The following INTS7 variants were observed in gnomAD, a reference collection of about 807,000 sequenced individuals.
INTS7 encodes the protein chromosome 1 open reading frame 73.
INTS7 carries 46 observed loss-of-function variants against 109.2 expected under a neutral mutation model. The ratio of observed to expected loss-of-function variants is 0.42; its 90% CI spans 0.33 to 0.54. The LOEUF (loss-of-function observed/expected upper bound fraction) is 0.54, where lower values mean the gene tolerates loss of function less well. Among genes scored for constraint, INTS7 ranks in the 20% least tolerant of loss-of-function variants. The probability of loss-of-function intolerance (pLI) is 0.07; values close to 1 mark genes in which losing one functional copy is unlikely to be tolerated. For missense variants in INTS7, 929 were observed against 1,132.4 expected, an observed-to-expected ratio of 0.82 and a Z score of 2.58; for synonymous variants, 412 against 402.9, an observed-to-expected ratio of 1.02 and a Z score of -0.27.
chr1:211,985,885 T>C (rs1221968303), intron 8 of INTS7, among the ~76,000 whole-genome samples: 1 of 152,232 alleles, frequency 6.6e-6, no homozygotes, highest in Non-Finnish European at 1.5e-5. Flanking sequence ...GGATGTTAAC[T>C]GCAAGCTAAG....
At chr1:212,034,599 C>G (rs754010870) in intron 1 of INTS7, among the ~76,000 whole-genome samples, 4 of 152,206 alleles carry the variant, frequency 2.6e-5, no homozygotes, top group African/African-American at 4.8e-5. Flanking sequence ...CTCCCATATC[C>G]ACATCTAAGA....
chr1:211,981,283 A>T, intron 9 of INTS7, 93 bp from the exon 10 acceptor site: 1 of 728,322 alleles, frequency 1.4e-6, no homozygotes, highest in Non-Finnish European at 2.3e-6. Flanking sequence ...TAGAAAAAAC[A>T]TTAAGGAGTT....
At position 211,952,613 on chromosome 1, in the gene INTS7, C is replaced by G; in HGVS notation, c.2272G>C (p.Glu758Gln). Residue 758 changes from glutamate to glutamine, a missense_variant, in exon 17 of 20, where the codon GAG (glutamate) becomes CAG (glutamine). Coordinates refer to ENST00000366994, the MANE Select transcript of INTS7 (RefSeq NM_015434.4). ...MMSVYNHVLE[E>Q]VESLNRKYTP... is the part of the protein sequence containing the mutation. ...TATTTCCGATTGAGTGATTCTACCT[C>G]CTCCAAGACATGATTATATACAGAC... is the stretch of plus-strand genomic sequence containing the variant. 1.2e-6 allele frequency: 2 copies of G among 1,613,178 alleles called. No homozygotes were observed. Among genetic ancestry groups the G allele is most frequent in the Non-Finnish European group, 1.7e-6 (2 of 1,179,420 alleles).
intron 4 of INTS7, among the ~76,000 whole-genome samples, chr1:212,012,968 T>C (rs904953122): frequency 6.6e-6 from 1 of 152,232 alleles, no homozygotes; most frequent in Non-Finnish European, 1.5e-5. Flanking sequence ...TGACAGACTA[T>C]GAAGCACTGA....
At chr1:212,011,556 T>A (rs2102474955) in intron 4 of INTS7, 135 bp from the exon 5 acceptor site, 1 of 638,882 alleles carries the variant, frequency 1.6e-6, no homozygotes. Context: ...CAAGGTCAGG[T>A]GCTCGGGTTA....
chr1:211,944,862 T>A lies in INTS7; in HGVS notation c.2523A>T (p.Pro841=). 1 of 1,614,224 alleles carries A rather than the reference T, an allele frequency of 6.2e-7. No homozygotes were observed. Among genetic ancestry groups the A allele is most frequent in the Non-Finnish European group, 8.5e-7 (1 of 1,180,000 alleles). ...VEGVVQHGSK[P]GLFRKIQSVC... Reference sequence around the variant, plus strand: ...CAGACTGAATTTTGCGGAAGAGTCCTGGTTTAGATCCGTGCTGAACCACTC... The same window carrying A: ...CAGACTGAATTTTGCGGAAGAGTCCAGGTTTAGATCCGTGCTGAACCACTC... Residue 841 remains proline, a synonymous_variant, in exon 19 of 20, where the codon CCA becomes CCT. Transcript: ENST00000366994.
chr1:211,960,190 G>A (rs1663553498), intron 16 of INTS7, among the ~76,000 whole-genome samples: 1 of 152,046 alleles, frequency 6.6e-6, no homozygotes, highest in Non-Finnish European at 1.5e-5. Flanking sequence ...CAGGAGTTAT[G>A]AGCTGAGCCT....
At chr1:211,999,273 T>C (rs1665552249) in intron 7 of INTS7, among the ~76,000 whole-genome samples, 1 of 152,342 alleles carries the variant, frequency 6.6e-6, no homozygotes, top group South Asian at 2.1e-4. Context: ...ATCTGAATAC[T>C]GCTCAGCAAT....
chr1:212,035,197 G>T, intron 1 of INTS7, 147 bp downstream of exon 1: 2 of 647,312 alleles, frequency 3.1e-6, no homozygotes, highest in Non-Finnish European at 5.6e-6. Context: ...AGGGGTCAAA[G>T]CCCACGCCCC....
chr1:211,975,055 ATT>A, intron 13 of INTS7, 109 bp downstream of exon 13: 1 of 714,090 alleles, frequency 1.4e-6, no homozygotes, highest in South Asian at 1.8e-5. Flanking sequence ...TCCATGACCT[ATT>A]TCATATCAGC....
chr1:212,015,413 C>G (rs527516060), intron 4 of INTS7, among the ~76,000 whole-genome samples: 2 of 151,738 alleles, frequency 1.3e-5, no homozygotes, highest in African/African-American at 2.4e-5. Flanking sequence ...TTACCCCCAA[C>G]CCCCTGCTCT....
intron 13 of INTS7, among the ~76,000 whole-genome samples, chr1:211,972,841 G>C (rs1039715792): frequency 3.3e-5 from 5 of 152,292 alleles, no homozygotes; most frequent in African/African-American, 1.2e-4. Flanking sequence ...CATGATCTTA[G>C]AACAGGACCC....
At chr1:211,960,996 C>A (rs1663599962) in intron 16 of INTS7, among the ~76,000 whole-genome samples, 1 of 150,628 alleles carries the variant, frequency 6.6e-6, no homozygotes, top group Admixed American at 6.6e-5. Context: ...GCCTAGGCAA[C>A]AGTGAGACTC....
intron 1 of INTS7, among the ~76,000 whole-genome samples, chr1:212,033,848 C>T (rs543535046): frequency 2.6e-5 from 4 of 151,978 alleles, no homozygotes; most frequent in Non-Finnish European, 5.9e-5. Flanking sequence ...TTTGGAAGGC[C>T]GAGGCGGACG....
intron 7 of INTS7, among the ~76,000 whole-genome samples, chr1:211,988,401 G>A (rs1276628845): frequency 3.3e-5 from 5 of 149,590 alleles, no homozygotes; most frequent in African/African-American, 1.2e-4. Flanking sequence ...CAGCCTGGGG[G>A]ACAGAGCAAG....
rs144189468 is a variant in INTS7, at chr1:211,959,962, TC to T, written c.2183+6467del. 0.034 allele frequency among the ~76,000 whole-genome samples: 5,224 copies of T among 152,242 alleles called. 301 individuals are homozygous for T. Among genetic ancestry groups the T allele is most frequent in the African/African-American group, 0.12 (4,917 of 41,532 alleles). ...TCCTGCCGCGGTGGACAAGTGTGCA[TC>T]CCGTTATGCTGCTGTTGCTGCTGCT... On this transcript the variant is annotated intron_variant, in intron 16 of 19. Coordinates refer to ENST00000366994, the MANE Select transcript of INTS7 (RefSeq NM_015434.4). This position sits in a 1 kb window ranked among gnomAD's most constrained non-coding sequence, Gnocchi z 4.2.
intron 1 of INTS7, among the ~76,000 whole-genome samples, chr1:212,027,298 C>T (rs540749618): frequency 2.6e-5 from 4 of 152,266 alleles, no homozygotes; most frequent in Admixed American, 6.5e-5. Context: ...GAGCTCAGCA[C>T]GTTCCAGTTC....
chr1:211,988,084 G>T, intron 7 of INTS7, 81 bp from the exon 8 acceptor site: 1 of 698,800 alleles, frequency 1.4e-6, no homozygotes, highest in South Asian at 2.3e-5. Context: ...ACATTTTCTG[G>T]CTTTTAGAAA....
chr1:212,012,227 C>A (rs1168516380), intron 4 of INTS7, among the ~76,000 whole-genome samples: 1 of 150,456 alleles, frequency 6.6e-6, no homozygotes, highest in Non-Finnish European at 1.5e-5. Flanking sequence ...CAGGGACTAG[C>A]AATTTAGAAT....
Sources: gnomAD v4.1 joint callset for allele counts (sites outside exome capture counted in the v4.1 genomes callset) on GRCh38, gnomAD v4.1.1 for gene constraint, Gnocchi (gnomAD v3.1) non-coding constraint, MANE v1.5 for transcripts, NCBI Gene and HGNC (gene_info 2026-07-23, HGNC 2026-07-21) for gene names.